Variants in STXBP5L observed in about 807,000 individuals in gnomAD.
The protein encoded by STXBP5L is syntaxin-binding protein 5-like.
A neutral mutation model predicts 144.5 loss-of-function variants in STXBP5L; 65 were observed. The ratio of observed to expected loss-of-function variants is 0.45; its 90% CI spans 0.37 to 0.55. The LOEUF is 0.55. Among genes scored for constraint, STXBP5L ranks in the 20% least tolerant of loss-of-function variants. STXBP5L has a pLI of 0.00. For synonymous variants in STXBP5L, 505 were observed against 469.6 expected (o/e 1.08, Z -0.97); for missense variants, 1,298 against 1,405.5 (o/e 0.92, Z 1.22).
At chr3:121,090,319 T>G (rs927970847) in intron 5 of STXBP5L, among the ~76,000 whole-genome samples, 1 of 152,116 alleles carries the variant, frequency 6.6e-6, no homozygotes, top group Non-Finnish European at 1.5e-5. Context: ...GAGAGACACC[T>G]TGTAGCTGCT....
chr3:120,995,813 T>A (rs1010703742), intron 3 of STXBP5L, among the ~76,000 whole-genome samples: 1 of 152,140 alleles, frequency 6.6e-6, no homozygotes, highest in African/African-American at 2.4e-5. Flanking sequence ...TTAGAATAGT[T>A]TATTATATTG....
intron 20 of STXBP5L, among the ~76,000 whole-genome samples, chr3:121,363,226 C>T (rs2045766397): frequency 6.6e-6 from 1 of 152,084 alleles, no homozygotes; most frequent in Non-Finnish European, 1.5e-5. Context: ...TACCAGCAGT[C>T]CCTTGGCTGA....
At chr3:120,970,599 T>A (rs1940136581) in intron 3 of STXBP5L, among the ~76,000 whole-genome samples, 1 of 152,126 alleles carries the variant, frequency 6.6e-6, no homozygotes, top group Non-Finnish European at 1.5e-5. Flanking sequence ...GCTTTGAGTA[T>A]CCTGTCTTTT....
At chr3:120,978,654 AT>A (rs1941377513) in intron 3 of STXBP5L, among the ~76,000 whole-genome samples, 2 of 132,434 alleles carry the variant, frequency 1.5e-5, no homozygotes, top group South Asian at 4.5e-4. Flanking sequence ...TTCTGCTCTG[AT>A]TTTTCCCCAT....
At chr3:121,007,044 T>G (rs151026941) in intron 3 of STXBP5L, among the ~76,000 whole-genome samples, 1 of 152,032 alleles carries the variant, frequency 6.6e-6, no homozygotes, top group Non-Finnish European at 1.5e-5. Context: ...TTGCTCTTCT[T>G]GAGGAGTATC....
intron 5 of STXBP5L, among the ~76,000 whole-genome samples, chr3:121,062,663 T>C (rs1015529308): frequency 6.6e-6 from 1 of 152,242 alleles, no homozygotes; most frequent in Non-Finnish European, 1.5e-5. Context: ...ATAGGTTAGG[T>C]CTTTTCACAT....
chr3:120,991,847 A>T (rs570917526), intron 3 of STXBP5L, among the ~76,000 whole-genome samples: 3 of 152,148 alleles, frequency 2.0e-5, no homozygotes, highest in Non-Finnish European at 4.4e-5. Flanking sequence ...GCATTAGGAG[A>T]TATATGTAAT....
intron 6 of STXBP5L, among the ~76,000 whole-genome samples, chr3:121,117,970 G>A (rs978077605): frequency 6.6e-6 from 1 of 151,652 alleles, no homozygotes; most frequent in Admixed American, 6.6e-5. Context: ...AGCTATTTCT[G>A]TAGGGCAGCC....
At chr3:121,049,116 C>T (rs148281511) in intron 5 of STXBP5L, among the ~76,000 whole-genome samples, 107 of 152,216 alleles carry the variant, frequency 7.0e-4, no homozygotes, top group African/African-American at 2.4e-3. Flanking sequence ...TAGGGAGACA[C>T]TGCCCAGAGA....
intron 9 of STXBP5L, among the ~76,000 whole-genome samples, chr3:121,177,004 A>G (rs2046962638): frequency 6.6e-6 from 1 of 152,020 alleles, no homozygotes. Flanking sequence ...GTCTGGGAAA[A>G]TTGGTAACTC....
chr3:121,141,911 T>G (rs2045524274), intron 7 of STXBP5L, among the ~76,000 whole-genome samples: 1 of 152,062 alleles, frequency 6.6e-6, no homozygotes, highest in African/African-American at 2.4e-5. Flanking sequence ...TCAATAATTA[T>G]TTTAAATGTT....
chr3:120,953,746 T>C (rs1432709266), intron 2 of STXBP5L, among the ~76,000 whole-genome samples: 1 of 152,156 alleles, frequency 6.6e-6, no homozygotes, highest in East Asian at 1.9e-4. Context: ...TACAAAATTG[T>C]GTTCCTTGCA....
intron 20 of STXBP5L, among the ~76,000 whole-genome samples, chr3:121,353,303 G>A (rs570359945): frequency 6.6e-6 from 1 of 152,200 alleles, no homozygotes; most frequent in South Asian, 2.1e-4. Context: ...CTGTGAATCC[G>A]TCTGGTCCTG....
Position 120,963,777 on chromosome 3 carries a change from T to C in STXBP5L, c.287+8740T>C, listed in dbSNP as rs542826259. On this transcript the variant is annotated intron_variant, in intron 3 of 26. Transcript: ENST00000471454. ...GCCAGGCTTTTGTATCGGGATAATA[T>C]TGGCCTCATAAAATGAATTTGGGAG... is the stretch of plus-strand genomic sequence containing the variant. 3.3e-5 allele frequency among the ~76,000 whole-genome samples: 5 copies of C among 152,170 alleles called. No homozygotes were observed. In the East Asian group the frequency reaches 9.7e-4, roughly 29 times the overall value.
intron 3 of STXBP5L, among the ~76,000 whole-genome samples, chr3:121,019,730 C>A (rs1945409321): frequency 6.6e-6 from 1 of 152,142 alleles, no homozygotes; most frequent in Non-Finnish European, 1.5e-5. Flanking sequence ...GTGGAGAGCA[C>A]CACATTAAGG....
intron 4 of STXBP5L, among the ~76,000 whole-genome samples, chr3:121,043,092 GAATA>G: frequency 6.6e-6 from 1 of 151,888 alleles, no homozygotes; most frequent in East Asian, 1.9e-4. Context: ...ACATAACTAA[GAATA>G]AATAAAGACA....
At chr3:121,291,944 T>C (rs1176224516) in intron 19 of STXBP5L, among the ~76,000 whole-genome samples, 3 of 152,144 alleles carry the variant, frequency 2.0e-5, no homozygotes, top group East Asian at 1.9e-4. Flanking sequence ...CCTGAAACCA[T>C]AGAAATTCTG....
chr3:121,198,193 C>G (rs533132448), intron 9 of STXBP5L, among the ~76,000 whole-genome samples: 9 of 152,218 alleles, frequency 5.9e-5, no homozygotes, highest in Admixed American at 3.3e-4. Flanking sequence ...TTCTAACTGG[C>G]GTGAGATGGT....
chr3:120,991,924 C>A (rs1942925380), intron 3 of STXBP5L, among the ~76,000 whole-genome samples: 2 of 152,064 alleles, frequency 1.3e-5, no homozygotes, highest in African/African-American at 4.8e-5. Context: ...AACTAACATG[C>A]ACGTTGTGCA....
Sources: gnomAD v4.1 joint callset for allele counts (sites outside exome capture counted in the v4.1 genomes callset) on GRCh38, gnomAD v4.1.1 for gene constraint, MANE v1.5 for transcripts, NCBI Gene and HGNC (gene_info 2026-07-23, HGNC 2026-07-21) for gene names.